Variants in NRXN3 observed in about 807,000 individuals in gnomAD.
The protein encoded by NRXN3 is neurexin III.
Under a neutral mutation model 137.6 loss-of-function variants are expected in NRXN3, and 32 were observed. That is an observed-to-expected ratio of 0.23 (90% CI 0.18 to 0.31). NRXN3 has a LOEUF of 0.31. Ranked by LOEUF, NRXN3 falls within the 10% of genes least tolerant of loss-of-function variation. The pLI is 1.00. For synonymous variants in NRXN3, 798 were observed against 784.5 expected (o/e 1.02, Z -0.29); for missense variants, 1,574 against 2,062.5 (o/e 0.76, Z 4.59).
chr14:78,466,219 CA>C (rs1334469185), intron 4 of NRXN3, among the ~76,000 whole-genome samples: 5 of 151,890 alleles, frequency 3.3e-5, no homozygotes, highest in Non-Finnish European at 5.9e-5. Flanking sequence ...CTATTGTCTT[CA>C]AAAAAATAAA....
In NRXN3 at chr14:78,647,085, C is replaced by T. The variant is rs186911334; in HGVS notation, c.1059+1664C>T. Among the ~76,000 whole-genome samples the T allele has an allele frequency of 6.6e-5, 10 of 152,344 alleles. No individual in the cohort carries two copies. The East Asian group carries it at 1.9e-3, about 29-fold the overall frequency. On this transcript the variant is annotated intron_variant, in intron 5 of 20. Coordinates refer to ENST00000335750, the MANE Select transcript of NRXN3 (RefSeq NM_001330195.2). The stretch of plus-strand genomic sequence containing the variant: ...ATTTGTTTCTCTACCTCTCTCCCAC[C>T]ACCCTTCCTTACCATTCTGGAATGA...
At chr14:79,139,037 T>A (rs2058535325) in intron 15 of NRXN3, among the ~76,000 whole-genome samples, 1 of 152,204 alleles carries the variant, frequency 6.6e-6, no homozygotes, top group Non-Finnish European at 1.5e-5. Context: ...AAAGTTCTTT[T>A]CATCCCTGCA....
chr14:79,261,376 T>C (rs2153407008), intron 15 of NRXN3, among the ~76,000 whole-genome samples: 1 of 152,188 alleles, frequency 6.6e-6, no homozygotes, highest in Admixed American at 6.5e-5. Context: ...ATATGCAGAT[T>C]TGCATTCTTG....
intron 8 of NRXN3, among the ~76,000 whole-genome samples, chr14:78,740,004 TC>T (rs1240624923): frequency 6.6e-6 from 1 of 152,206 alleles, no homozygotes; most frequent in East Asian, 1.9e-4. Context: ...TTTGAGGTCC[TC>T]CTTTTGCCTA....
intron 1 of NRXN3, among the ~76,000 whole-genome samples, chr14:78,193,517 T>A (rs2060934661): frequency 6.6e-6 from 1 of 152,084 alleles, no homozygotes; most frequent in Admixed American, 6.6e-5. Flanking sequence ...AACTTGAATA[T>A]CAAGCACAAA....
chr14:78,727,513 C>T (rs2098491368), intron 8 of NRXN3, among the ~76,000 whole-genome samples: 1 of 152,060 alleles, frequency 6.6e-6, no homozygotes, highest in Admixed American at 6.5e-5. Context: ...GAGGCCAGGG[C>T]AGGTGGATCA....
At chr14:78,743,438 G>T (rs1184310045) in intron 8 of NRXN3, among the ~76,000 whole-genome samples, 1 of 152,144 alleles carries the variant, frequency 6.6e-6, no homozygotes, top group Non-Finnish European at 1.5e-5. Context: ...TCTTTCGCTT[G>T]CACAGAGTCA....
At chr14:78,192,428 C>G (rs2060835068) in intron 1 of NRXN3, among the ~76,000 whole-genome samples, 1 of 152,116 alleles carries the variant, frequency 6.6e-6, no homozygotes, top group African/African-American at 2.4e-5. Context: ...GCAAAAATAG[C>G]CTCTCTCCGT....
intron 4 of NRXN3, among the ~76,000 whole-genome samples, chr14:78,412,424 A>G (rs2092887299): frequency 6.6e-6 from 1 of 151,848 alleles, no homozygotes; most frequent in African/African-American, 2.4e-5. Context: ...GTGTTTTTTT[A>G]CTGTTCTGTA....
chr14:79,103,996 G>C (rs964448825), intron 15 of NRXN3, among the ~76,000 whole-genome samples: 1 of 152,080 alleles, frequency 6.6e-6, no homozygotes, highest in Non-Finnish European at 1.5e-5. Context: ...AGATTCATGT[G>C]TACACATGTG....
chr14:78,194,674 G>A (rs965443838), intron 1 of NRXN3, among the ~76,000 whole-genome samples: 12 of 152,310 alleles, frequency 7.9e-5, no homozygotes, highest in African/African-American at 2.9e-4. Context: ...GAAGGGTGGG[G>A]TGAGCCAGAA....
intron 19 of NRXN3, among the ~76,000 whole-genome samples, chr14:79,709,047 A>G (rs1365885243): frequency 6.6e-6 from 1 of 152,112 alleles, no homozygotes; most frequent in East Asian, 1.9e-4. Flanking sequence ...TATGGAGAAC[A>G]GTGCTTCTTA....
chr14:79,720,187 T>C (rs2098839504), intron 19 of NRXN3, among the ~76,000 whole-genome samples: 1 of 152,092 alleles, frequency 6.6e-6, no homozygotes. Flanking sequence ...GTTTTACATG[T>C]CAGCAGGCAA....
chr14:79,580,020 C>T (rs2097699926), intron 16 of NRXN3, among the ~76,000 whole-genome samples: 1 of 152,294 alleles, frequency 6.6e-6, no homozygotes, highest in East Asian at 1.9e-4. Flanking sequence ...TTTTAGCTCT[C>T]ATATGTGAGT....
At chr14:79,592,479 GC>G (rs1481995513) in intron 16 of NRXN3, among the ~76,000 whole-genome samples, 1 of 151,846 alleles carries the variant, frequency 6.6e-6, no homozygotes, top group Non-Finnish European at 1.5e-5. Flanking sequence ...CCTAATTGTA[GC>G]CTCAGCACAA....
intron 8 of NRXN3, among the ~76,000 whole-genome samples, chr14:78,721,451 A>G (rs937433502): frequency 3.3e-5 from 5 of 152,156 alleles, no homozygotes; most frequent in Non-Finnish European, 7.3e-5. Context: ...TGATTCTCAA[A>G]TGTCATCAGC....
intron 16 of NRXN3, among the ~76,000 whole-genome samples, chr14:79,469,969 A>G (rs1408789831): frequency 1.3e-5 from 2 of 152,214 alleles, no homozygotes; most frequent in African/African-American, 2.4e-5. Flanking sequence ...ATTTAAGTAG[A>G]TACATCAGGG....
In NRXN3 at chr14:79,216,451, C is replaced by A. The variant is rs75347372; in HGVS notation, c.3262+228310C>A. 2.9e-3 allele frequency among the ~76,000 whole-genome samples: 443 copies of A among 152,228 alleles called. 1 individual carries two copies. The highest frequency in any genetic ancestry group is 0.01 in the African/African-American group (420 of 41,542). On this transcript the variant is annotated intron_variant, in intron 15 of 20. Transcript: ENST00000335750. ...AGAAAGAATGAGCCTCACTTCTTTG[C>A]GCAGGAGAGTCAAGGTCACATTGCA... is the stretch of plus-strand genomic sequence containing the variant.
At chr14:79,690,412 C>T (rs1273393979) in intron 17 of NRXN3, among the ~76,000 whole-genome samples, 1 of 152,058 alleles carries the variant, frequency 6.6e-6, no homozygotes, top group African/African-American at 2.4e-5. Flanking sequence ...TGCCTGCCCT[C>T]TCCATTTTTT....
Sources: allele counts gnomAD v4.1 joint callset (sites outside exome capture counted in the v4.1 genomes callset), GRCh38; gene constraint gnomAD v4.1.1; transcripts MANE v1.5; gene names NCBI Gene and HGNC (gene_info 2026-07-23, HGNC 2026-07-21).